Variants in FAM168A observed in about 807,000 individuals in gnomAD.
The protein encoded by FAM168A is family with sequence similarity 168 member A, also known as protein FAM168A.
In FAM168A, 3 loss-of-function variants were observed where a neutral mutation model predicts 28.5. The ratio of observed to expected loss-of-function variants is 0.11; its 90% CI spans 0.05 to 0.27. The LOEUF is 0.27. FAM168A is among the 10% of genes least tolerant of loss of function. The pLI is 1.00. For missense variants in FAM168A, 222 were observed against 311.5 expected, an observed-to-expected ratio of 0.71 and a Z score of 2.16; for synonymous variants, 122 against 124.2, an observed-to-expected ratio of 0.98 and a Z score of 0.12.
intron 1 of FAM168A, among the ~76,000 whole-genome samples, chr11:73,479,220 C>T (rs926297204): frequency 2.0e-5 from 3 of 152,146 alleles, no homozygotes; most frequent in Non-Finnish European, 4.4e-5. Flanking sequence ...TAGAAACAAC[C>T]TTGATTTCAT....
chr11:73,474,366 G>A (rs1430997797), intron 1 of FAM168A, among the ~76,000 whole-genome samples: 1 of 151,400 alleles, frequency 6.6e-6, no homozygotes, highest in African/African-American at 2.4e-5. Flanking sequence ...TTACTGTGTT[G>A]TTCAGGCTGG....
rs1222605850 is a variant in FAM168A at position 73,406,738 on chromosome 11, T to C, written c.*25A>G. The C allele has an allele frequency of 6.6e-6, 1 of 152,594 alleles. No individual in the cohort carries two copies. The highest frequency in any genetic ancestry group is 1.5e-5 in the Non-Finnish European group (1 of 68,024). The allele number at this position is 152,594 out of a possible 1,614,324, so 9.5% of individuals were successfully genotyped here. ...TGAGTAGTTGCATACAATGTGTGACTCCAGATCTGCAGAGGGAAAGGGGAA... is the reference window on the plus strand; with the variant it reads ...TGAGTAGTTGCATACAATGTGTGACCCCAGATCTGCAGAGGGAAAGGGGAA... On this transcript the variant is annotated 3_prime_UTR_variant, in exon 8 of 8. Coordinates refer to ENST00000356467, the MANE Select transcript of FAM168A (RefSeq NM_015159.3).
intron 2 of FAM168A, among the ~76,000 whole-genome samples, chr11:73,432,741 G>A (rs964189684): frequency 7.2e-5 from 11 of 151,816 alleles, no homozygotes; most frequent in Admixed American, 1.3e-4. Context: ...GTGAAACCCC[G>A]TCTCTACTAA....
chr11:73,547,708 G>A (rs958827810), intron 1 of FAM168A, among the ~76,000 whole-genome samples: 4 of 152,056 alleles, frequency 2.6e-5, no homozygotes, highest in Non-Finnish European at 5.9e-5. Context: ...ATACTATCTG[G>A]CAATTCCATT....
chr11:73,483,850 CACCA>C (rs1868001536), intron 1 of FAM168A, among the ~76,000 whole-genome samples: 1 of 152,182 alleles, frequency 6.6e-6, no homozygotes, highest in East Asian at 1.9e-4. Context: ...ACTAATTACC[CACCA>C]ACCATTATTT....
intron 2 of FAM168A, among the ~76,000 whole-genome samples, chr11:73,454,187 A>T (rs904716624): frequency 9.2e-5 from 14 of 152,342 alleles, no homozygotes; most frequent in East Asian, 3.9e-4. Flanking sequence ...ACACAGAAAA[A>T]TTGCATTTAC....
In FAM168A at chr11:73,534,141, C is replaced by T. The variant is rs1943547858; in HGVS notation, c.-19+63782G>A. On this transcript the variant is annotated intron_variant, in intron 1 of 7. Transcript: ENST00000356467. ...TTGATAAACTGAATAAATGTCCTCT[C>T]CTTAGACCCTACTTTTGGATTTTAA... Among the ~76,000 whole-genome samples, 3 of 152,276 alleles carry T rather than the reference C, an allele frequency of 2.0e-5. No homozygotes were observed. In the South Asian group the frequency reaches 6.2e-4, roughly 32 times the overall value.
At chr11:73,437,948 C>T (rs1410913386) in intron 2 of FAM168A, among the ~76,000 whole-genome samples, 1 of 152,134 alleles carries the variant, frequency 6.6e-6, no homozygotes, top group African/African-American at 2.4e-5. Context: ...TTTACAAATC[C>T]CCTTCCCTTA....
At position 73,571,017 on chromosome 11, in the gene FAM168A, T is replaced by C. The variant is rs187476107; in HGVS notation, c.-19+26906A>G. Among the ~76,000 whole-genome samples, 4 of 152,232 alleles carry C rather than the reference T, an allele frequency of 2.6e-5. No individual in the cohort carries two copies. In the East Asian group the frequency reaches 7.7e-4, roughly 29 times the overall value. The stretch of plus-strand genomic sequence containing the variant: ...TTGAAACTGTCCTGAACAACAACTA[T>C]TCTACTGTAATACTTAATACAGAAG... On this transcript the variant is annotated intron_variant, in intron 1 of 7. Transcript: ENST00000356467.
intron 1 of FAM168A, among the ~76,000 whole-genome samples, chr11:73,594,042 T>C (rs1257724242): frequency 6.6e-6 from 1 of 152,186 alleles, no homozygotes; most frequent in Non-Finnish European, 1.5e-5. Context: ...AGATATTTCA[T>C]ATATGTACAG....
intron 1 of FAM168A, among the ~76,000 whole-genome samples, chr11:73,591,873 G>A (rs184531877): frequency 6.6e-6 from 1 of 152,088 alleles, no homozygotes; most frequent in African/African-American, 2.4e-5. Context: ...ACCAACCTAA[G>A]AACTATATAT....
At chr11:73,522,322 T>C (rs1230411078) in intron 1 of FAM168A, among the ~76,000 whole-genome samples, 1 of 152,016 alleles carries the variant, frequency 6.6e-6, no homozygotes, top group Non-Finnish European at 1.5e-5. Context: ...CTGGGTTTTT[T>C]TTGTTTGTTT....
At chr11:73,470,416 T>C (rs1465514388) in intron 1 of FAM168A, among the ~76,000 whole-genome samples, 2 of 152,144 alleles carry the variant, frequency 1.3e-5, no homozygotes, top group East Asian at 1.9e-4. Context: ...GGTTTGAATG[T>C]TTCCCCCCAG....
chr11:73,455,195 G>A lies in FAM168A; in HGVS notation c.70+13210C>T, dbSNP rs140117091. On this transcript the variant is annotated intron_variant, in intron 2 of 7. Transcript: ENST00000356467. ...CTGATGCCAGAGCCCAAAAGTGGCC[G>A]GCTGGATCCTGTACTCACTTGCCTA... Among the ~76,000 whole-genome samples, 28 of 152,344 alleles carry A rather than the reference G, an allele frequency of 1.8e-4. No individual in the cohort carries two copies. In the South Asian group the frequency reaches 4.1e-3, roughly 23 times the overall value.
intron 2 of FAM168A, among the ~76,000 whole-genome samples, chr11:73,465,207 C>A (rs1328639356): frequency 6.7e-6 from 1 of 149,232 alleles, no homozygotes; most frequent in Non-Finnish European, 1.5e-5. Flanking sequence ...GTGACAGAGA[C>A]CAGATTTCAG....
chr11:73,454,468 CCT>C lies in FAM168A; in HGVS notation c.70+13935_70+13936del, dbSNP rs1237487046. On this transcript the variant is annotated intron_variant, in intron 2 of 7. Coordinates refer to ENST00000356467, the MANE Select transcript of FAM168A (RefSeq NM_015159.3). ...TCTCATGCTTCAAGATTCACGCTTGCCTTCTCAGAAGGCTTTCCTGACACCAA... is the reference window on the plus strand; with the variant it reads ...TCTCATGCTTCAAGATTCACGCTTGCTCTCAGAAGGCTTTCCTGACACCAA... Among the ~76,000 whole-genome samples the C allele has an allele frequency of 4.6e-5, 7 of 152,192 alleles. 1 individual carries two copies. Among genetic ancestry groups the C allele is most frequent in the Admixed American group, 4.6e-4 (7 of 15,280 alleles).
intron 1 of FAM168A, among the ~76,000 whole-genome samples, chr11:73,511,326 T>G (rs1263967445): frequency 2.0e-5 from 3 of 151,980 alleles, no homozygotes; most frequent in Non-Finnish European, 4.4e-5. Context: ...AAGCTCTGCC[T>G]CCTGGGTTCC....
intron 1 of FAM168A, among the ~76,000 whole-genome samples, chr11:73,562,841 A>G (rs1187174230): frequency 1.3e-5 from 2 of 152,088 alleles, no homozygotes; most frequent in Non-Finnish European, 2.9e-5. Flanking sequence ...AAAGAATAAA[A>G]GGTTACCTAC....
chr11:73,560,720 T>A (rs1042850723), intron 1 of FAM168A, among the ~76,000 whole-genome samples: 1 of 152,168 alleles, frequency 6.6e-6, no homozygotes, highest in Admixed American at 6.5e-5. Context: ...CTGGTAGGAA[T>A]GTAAAATGGT....
Sources: allele counts gnomAD v4.1 joint callset (sites outside exome capture counted in the v4.1 genomes callset), GRCh38; gene constraint gnomAD v4.1.1; transcripts MANE v1.5; gene names NCBI Gene and HGNC (gene_info 2026-07-23, HGNC 2026-07-21).